Variants in TNIP1 observed in about 807,000 individuals in gnomAD.
TNIP1 encodes the protein TNFAIP3-interacting protein 1.
In TNIP1, 22 loss-of-function variants were observed where a neutral mutation model predicts 86.6. That is an observed-to-expected ratio of 0.25 (90% CI 0.18 to 0.36). TNIP1 has a LOEUF of 0.36. Ranked by LOEUF, TNIP1 falls within the 10% of genes least tolerant of loss-of-function variation. The probability of loss-of-function intolerance (pLI) is 1.00; values close to 1 mark genes in which losing one functional copy is unlikely to be tolerated. For missense variants in TNIP1, 709 were observed against 820.6 expected (o/e 0.86, Z 1.66); for synonymous variants, 294 against 313.0 (o/e 0.94, Z 0.64).
intron 13 of TNIP1, 29 bp from the exon 14 acceptor site, chr5:151,035,736 A>G (rs770951889): frequency 6.2e-7 from 1 of 1,612,644 alleles, no homozygotes; most frequent in South Asian, 1.1e-5. Context: ...GAAGAGAGGG[A>G]GGGGGATGGT....
At position 151,047,490 on chromosome 5, in the gene TNIP1, C is replaced by T. The variant is rs76482196; in HGVS notation, c.847-1540G>A. 4.0e-3 allele frequency among the ~76,000 whole-genome samples: 607 copies of T among 152,230 alleles called. 4 individuals are homozygous for T. Among genetic ancestry groups the T allele is most frequent in the African/African-American group, 0.014 (584 of 41,542 alleles). On this transcript the variant is annotated intron_variant, in intron 8 of 17. Coordinates refer to ENST00000521591, the MANE Select transcript of TNIP1 (RefSeq NM_006058.5). ...GGATCCCAGACTCCATGCTGGCACA[C>T]GACAGGACATGAGTGCAAATCTGGT...
At position 151,030,588 on chromosome 5, in the gene TNIP1, C is replaced by A. The variant is rs1756762013; in HGVS notation, c.*125G>T. The A allele has an allele frequency of 6.6e-7, 1 of 1,506,642 alleles. No individual in the cohort carries two copies. The highest frequency in any genetic ancestry group is 9.1e-7 in the Non-Finnish European group (1 of 1,100,442). The allele number at this position is 1,506,642 out of a possible 1,614,324, so 93.3% of individuals were successfully genotyped here. A position where few individuals can be genotyped will look rare whatever the true frequency, so the allele number is the denominator to read the frequency against. ...CAGGGACTGGTGTACAAGCTGGCCACCCATCTCAGCCTCTCATCCAGCTGA... is the reference window on the plus strand; with the variant it reads ...CAGGGACTGGTGTACAAGCTGGCCAACCATCTCAGCCTCTCATCCAGCTGA... On this transcript the variant is annotated 3_prime_UTR_variant, in exon 18 of 18. Transcript: ENST00000521591.
At chr5:151,041,230 CCA>C (rs1207495999) in intron 11 of TNIP1, among the ~76,000 whole-genome samples, 4 of 152,086 alleles carry the variant, frequency 2.6e-5, no homozygotes, top group Non-Finnish European at 4.4e-5. Context: ...GCCACCACTC[CCA>C]GTTAATATTT....
chr5:151,030,591 A>G lies in TNIP1; in HGVS notation c.*122T>C, dbSNP rs766823862. On this transcript the variant is annotated 3_prime_UTR_variant, in exon 18 of 18. Coordinates refer to ENST00000521591, the MANE Select transcript of TNIP1 (RefSeq NM_006058.5). ...GGACTGGTGTACAAGCTGGCCACCC[A>G]TCTCAGCCTCTCATCCAGCTGAGGC... 12 of 1,526,376 alleles carry G rather than the reference A, an allele frequency of 7.9e-6. No homozygotes were observed. The Admixed American group carries it at 1.1e-4, about 14-fold the overall frequency. 94.6% of individuals were successfully genotyped at this position (1,526,376 alleles called of 1,614,324 possible). A position where few individuals can be genotyped will look rare whatever the true frequency, so the allele number is the denominator to read the frequency against.
intron 12 of TNIP1, among the ~76,000 whole-genome samples, chr5:151,037,629 TTCTTAA>T (rs1757884562): frequency 6.6e-6 from 1 of 152,248 alleles, no homozygotes; most frequent in Non-Finnish European, 1.5e-5. Context: ...TGCCCACATC[TTCTTAA>T]AGGTTTCAGT....
intron 4 of TNIP1, among the ~76,000 whole-genome samples, chr5:151,060,645 G>C (rs10042059): frequency 0.029 from 4,475 of 152,326 alleles, 228 homozygotes; most frequent in African/African-American, 0.1. Context: ...TGTGGGACTA[G>C]CTGACCTTGA....
intron 8 of TNIP1, 115 bp from the exon 9 acceptor site, chr5:151,046,065 T>G: frequency 3.6e-6 from 3 of 843,296 alleles, no homozygotes; most frequent in Non-Finnish European, 3.9e-6. Context: ...TGTCTCCCTA[T>G]TCCTCCCACC....
chr5:151,081,514 A>G (rs1192413505), upstream of TNIP1, among the ~76,000 whole-genome samples: 1 of 152,208 alleles, frequency 6.6e-6, no homozygotes, highest in Non-Finnish European at 1.5e-5. Context: ...TAACAAAGCT[A>G]TAGAAATTCC....
chr5:151,065,225 G>C (rs1762086686), intron 1 of TNIP1, 94 bp from the exon 2 acceptor site: 1 of 1,106,174 alleles, frequency 9.0e-7, no homozygotes, highest in African/African-American at 1.6e-5. Flanking sequence ...CCAGAAGGCA[G>C]TCCCCCACTT....
At chr5:151,072,264 C>T (rs1181655372) in intron 1 of TNIP1, among the ~76,000 whole-genome samples, 2 of 152,182 alleles carry the variant, frequency 1.3e-5, no homozygotes, top group Admixed American at 6.5e-5. Flanking sequence ...CAGAACGTGC[C>T]CCAAGTTCCT....
rs745402490 is a variant in TNIP1 at position 151,039,249 on chromosome 5, A to C, written c.1135-24T>G. 5.0e-6 allele frequency: 8 copies of C among 1,605,942 alleles called. No homozygotes were observed. In the Admixed American group the frequency reaches 1.3e-4, roughly 27 times the overall value. On this transcript the variant is annotated intron_variant, in intron 11 of 17. Coordinates refer to ENST00000521591, the MANE Select transcript of TNIP1 (RefSeq NM_006058.5). Reference sequence around the variant, plus strand: ...GTCTGCAGGGAATACAAGGTTGGTAAGCTGGCTAGGATGGCCTCTCCAGGA... The same window carrying C: ...GTCTGCAGGGAATACAAGGTTGGTACGCTGGCTAGGATGGCCTCTCCAGGA...
intron 1 of TNIP1, among the ~76,000 whole-genome samples, 172 bp from the exon 2 acceptor site, chr5:151,065,303 TA>T (rs1194751418): frequency 6.6e-6 from 1 of 152,242 alleles, no homozygotes; most frequent in African/African-American, 2.4e-5. Context: ...GCTCTGCCTC[TA>T]TTAATACAAC....
intron 15 of TNIP1, chr5:151,034,579 CACATGGGCATGGAAGGCTGGT>C (rs1757448493): frequency 1.7e-5 from 4 of 232,382 alleles, no homozygotes; most frequent in South Asian, 1.4e-4. Flanking sequence ...GAAGGCTGAG[CACATGGGCATGGAAGGCTGGT>C]ACATGGACAC....
At position 151,065,945 on chromosome 5, in the gene TNIP1, T is replaced by G. The variant is rs559389511; in HGVS notation, c.-36-814A>C. ...TCTGCTTTATGTCACTGAAACCAGTTGGAAAGGTGATTTTAGAATCCTAAC... is the reference window on the plus strand; with the variant it reads ...TCTGCTTTATGTCACTGAAACCAGTGGGAAAGGTGATTTTAGAATCCTAAC... On this transcript the variant is annotated intron_variant, in intron 1 of 17. Transcript: ENST00000521591. Among the ~76,000 whole-genome samples the G allele has an allele frequency of 9.4e-4, 143 of 152,268 alleles. 1 individual carries two copies. The highest frequency in any genetic ancestry group is 3.1e-3 in the African/African-American group (130 of 41,546).
At chr5:151,085,505 T>C (rs958292835), upstream of TNIP1, among the ~76,000 whole-genome samples, 7 of 152,184 alleles carry the variant, frequency 4.6e-5, no homozygotes, top group Non-Finnish European at 7.3e-5. Context: ...TTTTCTTCCT[T>C]CTCTATCCCA....
chr5:151,042,889 A>G lies in TNIP1; in HGVS notation c.1002+7T>C. 6.2e-7 allele frequency: 1 copy of G among 1,613,668 alleles called. No individual in the cohort carries two copies. Among genetic ancestry groups the G allele is most frequent in the South Asian group, 1.1e-5 (1 of 91,066 alleles). ...CCCTGTGGGCGTGGCCAGGAACCCCACATTACCTTCTGCTCATACTGCTGC... is the reference window on the plus strand; with the variant it reads ...CCCTGTGGGCGTGGCCAGGAACCCCGCATTACCTTCTGCTCATACTGCTGC... On this transcript the variant is annotated splice_region_variant and intron_variant, in intron 10 of 17. Coordinates refer to ENST00000521591, the MANE Select transcript of TNIP1 (RefSeq NM_006058.5).
upstream of TNIP1, among the ~76,000 whole-genome samples, chr5:151,081,854 T>C (rs559076010): frequency 8.5e-5 from 13 of 152,280 alleles, no homozygotes; most frequent in South Asian, 2.7e-3. Context: ...GTAAGGAACA[T>C]AAACTTGCTT....
At chr5:151,046,173 G>A in intron 8 of TNIP1, 1 of 544,478 alleles carries the variant, frequency 1.8e-6, no homozygotes, top group Non-Finnish European at 3.3e-6. Context: ...TGGCTGCCAG[G>A]CCCTCTCCCC....
intron 12 of TNIP1, 86 bp from the exon 13 acceptor site, chr5:151,037,007 CTAA>C: frequency 5.4e-6 from 8 of 1,469,648 alleles, no homozygotes; most frequent in African/African-American, 1.4e-5. Context: ...GAACTCCTTC[CTAA>C]TAATAATCAT....
Sources: allele counts gnomAD v4.1 joint callset (sites outside exome capture counted in the v4.1 genomes callset), GRCh38; gene constraint gnomAD v4.1.1; transcripts MANE v1.5; gene names NCBI Gene and HGNC (gene_info 2026-07-23, HGNC 2026-07-21).